The following DLGAP1 variants were observed in gnomAD, a reference collection of about 807,000 sequenced individuals.
DLGAP1 encodes the protein disks large-associated protein 1.
A neutral mutation model predicts 90.8 loss-of-function variants in DLGAP1; 11 were observed. The ratio of observed to expected loss-of-function variants is 0.12; its 90% confidence interval spans 0.08 to 0.20. The LOEUF is 0.20. DLGAP1 is among the 10% of genes least tolerant of loss of function. DLGAP1 has a pLI of 1.00. For missense variants in DLGAP1, 1,050 were observed against 1,333.8 expected (o/e 0.79, Z 3.31); for synonymous variants, 558 against 540.7 (o/e 1.03, Z -0.44).
intron 1 of DLGAP1, among the ~76,000 whole-genome samples, chr18:4,222,582 AAG>A (rs1410681307): frequency 6.6e-6 from 1 of 152,200 alleles, no homozygotes; most frequent in African/African-American, 2.4e-5. Context: ...TAAAAACTAA[AAG>A]AAAATACTAT....
intron 8 of DLGAP1, chr18:3,580,809 C>T: frequency 6.4e-7 from 1 of 1,563,660 alleles, no homozygotes; most frequent in South Asian, 1.1e-5. Context: ...AAGCGTCTTC[C>T]ACCTGCCGTG....
chr18:4,263,255 C>T (rs1295078761), intron 1 of DLGAP1, among the ~76,000 whole-genome samples: 5 of 152,046 alleles, frequency 3.3e-5, no homozygotes, highest in East Asian at 1.9e-4. Context: ...TATACCAGGA[C>T]GCATTTTCAT....
intron 2 of DLGAP1, among the ~76,000 whole-genome samples, chr18:4,035,622 G>A (rs1350432042): frequency 1.3e-5 from 2 of 152,140 alleles, no homozygotes; most frequent in Admixed American, 1.3e-4. Flanking sequence ...CTGAGCTTTA[G>A]GAATGTTCCT....
chr18:4,199,107 C>T (rs2077559329), intron 1 of DLGAP1, among the ~76,000 whole-genome samples: 9 of 152,180 alleles, frequency 5.9e-5, no homozygotes, highest in Admixed American at 5.9e-4. Context: ...GGAGCATTTG[C>T]AAGTGTGAAA....
At chr18:4,350,162 G>T (rs1319457862) in intron 1 of DLGAP1, among the ~76,000 whole-genome samples, 1 of 152,116 alleles carries the variant, frequency 6.6e-6, no homozygotes, top group Non-Finnish European at 1.5e-5. Flanking sequence ...CACTTTCGAT[G>T]ATGAGAAAAT....
At chr18:3,792,637 G>A (rs2065790689) in intron 5 of DLGAP1, among the ~76,000 whole-genome samples, 1 of 152,192 alleles carries the variant, frequency 6.6e-6, no homozygotes, top group African/African-American at 2.4e-5. Context: ...CAGACCAGAA[G>A]GAATGGGATG....
intron 3 of DLGAP1, among the ~76,000 whole-genome samples, chr18:3,894,350 A>C (rs1055092055): frequency 6.6e-6 from 1 of 152,182 alleles, no homozygotes. Flanking sequence ...TCTCAGGTCT[A>C]ACATGTAAGC....
At chr18:4,144,790 G>A (rs2076557345) in intron 2 of DLGAP1, among the ~76,000 whole-genome samples, 1 of 152,072 alleles carries the variant, frequency 6.6e-6, no homozygotes, top group Admixed American at 6.5e-5. Context: ...AAAATTTTAG[G>A]TGAAAATGTC....
chr18:3,650,537 C>T (rs1431057217), intron 7 of DLGAP1, among the ~76,000 whole-genome samples: 1 of 152,098 alleles, frequency 6.6e-6, no homozygotes, highest in African/African-American at 2.4e-5. Context: ...AGAGAACATT[C>T]GTTTGTTTAG....
intron 2 of DLGAP1, among the ~76,000 whole-genome samples, chr18:4,127,096 TC>T (rs922389394): frequency 6.6e-6 from 1 of 152,152 alleles, no homozygotes; most frequent in Non-Finnish European, 1.5e-5. Context: ...AATAACTATA[TC>T]ATTTCAGAAG....
rs973178281 is a variant in DLGAP1 at position 4,084,547 on chromosome 18, AG to A, written c.-159+66632del. Among the ~76,000 whole-genome samples, 25 of 152,240 alleles carry A rather than the reference AG, an allele frequency of 1.6e-4. No homozygotes were observed. The highest frequency in any genetic ancestry group is 5.8e-4 in the African/African-American group (24 of 41,552). The stretch of plus-strand genomic sequence containing the variant: ...TGAAAGGTGTCCACCCTATACCCAC[AG>A]GACAGGAGCATCGTTATCTCTAAGA... On this transcript the variant is annotated intron_variant, in intron 2 of 12. Coordinates refer to ENST00000315677, the MANE Select transcript of DLGAP1 (RefSeq NM_004746.4). The surrounding 1 kb of genome is among the most constrained non-coding windows in gnomAD (Gnocchi z 4.0).
rs565302726 is a variant in DLGAP1 at position 3,578,967 on chromosome 18, A to G, written c.1965+2908T>C. Among the ~76,000 whole-genome samples the G allele has an allele frequency of 2.0e-5, 3 of 152,306 alleles. No individual in the cohort carries two copies. The South Asian group carries it at 6.2e-4, about 32-fold the overall frequency. Reference sequence around the variant, plus strand: ...AATATCCAACTATTTAAGACATGAGATAATGTCTCAAGTAAAAACTTTTCT... The same window carrying G: ...AATATCCAACTATTTAAGACATGAGGTAATGTCTCAAGTAAAAACTTTTCT... On this transcript the variant is annotated intron_variant, in intron 8 of 12. Coordinates refer to ENST00000315677, the MANE Select transcript of DLGAP1 (RefSeq NM_004746.4).
chr18:4,422,974 A>G (rs2615860), intron 1 of DLGAP1, among the ~76,000 whole-genome samples: 151,879 of 152,230 alleles, frequency 1, 75,764 homozygotes, highest in Middle Eastern at 1. Context: ...TAACCTTAAC[A>G]TAATGATTAG....
At chr18:3,950,884 T>C (rs530231194) in intron 3 of DLGAP1, among the ~76,000 whole-genome samples, 2 of 152,276 alleles carry the variant, frequency 1.3e-5, no homozygotes, top group Admixed American at 6.5e-5. Flanking sequence ...AGAAAAAATA[T>C]AGGTATTGAT....
At chr18:4,366,753 C>G (rs2081779589) in intron 1 of DLGAP1, among the ~76,000 whole-genome samples, 1 of 151,538 alleles carries the variant, frequency 6.6e-6, no homozygotes, top group South Asian at 2.1e-4. Flanking sequence ...GTTACCTTTA[C>G]AAAACTGAAC....
At chr18:4,284,718 G>T (rs2079640644) in intron 1 of DLGAP1, among the ~76,000 whole-genome samples, 1 of 152,134 alleles carries the variant, frequency 6.6e-6, no homozygotes, top group Non-Finnish European at 1.5e-5. Flanking sequence ...CTGGAGTGCC[G>T]CCTTCACAGG....
At chr18:4,033,151 T>C (rs1358061228) in intron 2 of DLGAP1, among the ~76,000 whole-genome samples, 1 of 151,944 alleles carries the variant, frequency 6.6e-6, no homozygotes, top group Non-Finnish European at 1.5e-5. Context: ...GTTATTTCAT[T>C]TTTATTTTTA....
chr18:4,132,542 T>C (rs189305885), intron 2 of DLGAP1, among the ~76,000 whole-genome samples: 3 of 152,246 alleles, frequency 2.0e-5, no homozygotes, highest in Admixed American at 6.5e-5. Flanking sequence ...TTATAAGGTA[T>C]TGTGAGAATA....
intron 7 of DLGAP1, among the ~76,000 whole-genome samples, chr18:3,664,216 A>ACACACACACACACC: frequency 1.1e-5 from 1 of 89,948 alleles, no homozygotes; most frequent in East Asian, 2.3e-4. Flanking sequence ...ACACACACAC[A>ACACACACACACACC]CCCACACACA....
Sources: allele counts gnomAD v4.1 joint callset (sites outside exome capture counted in the v4.1 genomes callset), GRCh38; gene constraint gnomAD v4.1.1; non-coding constraint Gnocchi (gnomAD v3.1); transcripts MANE v1.5; gene names NCBI Gene and HGNC (gene_info 2026-07-23, HGNC 2026-07-21).